RAP1GAP2: variants seen among roughly 807,000 people sequenced by gnomAD.
RAP1GAP2 encodes rap1 GTPase-activating protein 2.
In RAP1GAP2, 27 loss-of-function variants were observed where a neutral mutation model predicts 95.0. The ratio of observed to expected loss-of-function variants is 0.28; its 90% confidence interval spans 0.21 to 0.39. RAP1GAP2 has a LOEUF of 0.39. Among genes scored for constraint, RAP1GAP2 ranks in the 10% least tolerant of loss-of-function variants. The pLI is 1.00. For synonymous variants in RAP1GAP2, 373 were observed against 380.9 expected, an observed-to-expected ratio of 0.98 and a Z score of 0.24; for missense variants, 771 against 970.0, an observed-to-expected ratio of 0.79 and a Z score of 2.72.
intron 14 of RAP1GAP2, among the ~76,000 whole-genome samples, chr17:3,002,251 A>T (rs9893578): frequency 2.0e-4 from 31 of 152,256 alleles, no homozygotes; most frequent in Non-Finnish European, 3.2e-4. Context: ...GTGAACCATC[A>T]TGCCTGGCTG....
chr17:2,963,785 G>T lies in RAP1GAP2; in HGVS notation c.280-71G>T. 1 of 1,345,564 alleles carries T rather than the reference G, an allele frequency of 7.4e-7. No homozygotes were observed. Among genetic ancestry groups the T allele is most frequent in the Non-Finnish European group, 1.0e-6 (1 of 984,398 alleles). The allele number at this position is 1,345,564 out of a possible 1,614,324, so 83.4% of individuals were successfully genotyped here. On this transcript the variant is annotated intron_variant, in intron 6 of 24. Coordinates refer to ENST00000254695, the MANE Select transcript of RAP1GAP2 (RefSeq NM_015085.5). This position sits in a 1 kb window ranked among gnomAD's most constrained non-coding sequence, Gnocchi z 4.8. The stretch of plus-strand genomic sequence containing the variant: ...CCCCACTCCTGGGAGCAGCGCAGAG[G>T]GGACACCGCCACCGGCCCCCTCCCT...
chr17:2,770,735 A>G (rs2068374185), intron 2 of RAP1GAP2, among the ~76,000 whole-genome samples: 1 of 152,234 alleles, frequency 6.6e-6, no homozygotes, highest in Non-Finnish European at 1.5e-5. Context: ...ATATGACTGC[A>G]GAGATTTACA....
At position 2,962,702 on chromosome 17, in the gene RAP1GAP2, C is replaced by G; in HGVS notation, c.234C>G (p.Pro78=). 2 of 1,594,696 alleles carry G rather than the reference C, an allele frequency of 1.3e-6. No homozygotes were observed. Among genetic ancestry groups the G allele is most frequent in the East Asian group, 2.3e-5 (1 of 44,018 alleles). The change falls in exon 5 of 25, where the codon CCC becomes CCG. Residue 78 remains proline, a synonymous_variant. Coordinates refer to ENST00000254695, the MANE Select transcript of RAP1GAP2 (RefSeq NM_015085.5). ...AGCTTGAAGAGCAGAAGCCGGGACCCCAGAAGAACAAGGTGGGCTGGGTGG... is the reference window on the plus strand; with the variant it reads ...AGCTTGAAGAGCAGAAGCCGGGACCGCAGAAGAACAAGGTGGGCTGGGTGG... ...GIKLEEQKPG[P]QKNKDDYIPY...
At chr17:3,014,362 G>T (rs1231529575) in intron 17 of RAP1GAP2, among the ~76,000 whole-genome samples, 1 of 152,130 alleles carries the variant, frequency 6.6e-6, no homozygotes, top group African/African-American at 2.4e-5. Context: ...ATATGGAAAA[G>T]GTACAGTAAA....
chr17:2,775,369 TG>T (rs1376922383), upstream of RAP1GAP2, among the ~76,000 whole-genome samples: 1 of 150,968 alleles, frequency 6.6e-6, no homozygotes, highest in Non-Finnish European at 1.5e-5. Context: ...AGTGGGTGTG[TG>T]GGGACTCTGG....
intron 2 of RAP1GAP2, among the ~76,000 whole-genome samples, chr17:2,837,429 G>A (rs911045355): frequency 6.6e-5 from 10 of 151,912 alleles, no homozygotes; most frequent in African/African-American, 2.4e-4. Flanking sequence ...GTCAGCTAGA[G>A]GAAGGGGCCT....
rs374109157 is a variant in RAP1GAP2 at position 2,924,495 on chromosome 17, C to T, written c.165+19127C>T. 1.8e-4 allele frequency among the ~76,000 whole-genome samples: 28 copies of T among 151,454 alleles called. No individual in the cohort carries two copies. The East Asian group carries it at 2.7e-3, about 15-fold the overall frequency. On this transcript the variant is annotated intron_variant, in intron 3 of 24. Coordinates refer to ENST00000254695, the MANE Select transcript of RAP1GAP2 (RefSeq NM_015085.5). ...GAAGTGGGGGTGGATGGCCAGGTGA[C>T]GTCATCTGCTGTAGAGGAGGAATTT...
At chr17:2,959,747 C>G (rs2044242825) in intron 4 of RAP1GAP2, among the ~76,000 whole-genome samples, 1 of 152,198 alleles carries the variant, frequency 6.6e-6, no homozygotes, top group African/African-American at 2.4e-5. Context: ...AACCCTGACG[C>G]TTTCTAGCTG....
intron 2 of RAP1GAP2, among the ~76,000 whole-genome samples, chr17:2,872,448 G>A (rs4287603): frequency 0.36 from 54,336 of 151,492 alleles, 11,687 homozygotes; most frequent in Non-Finnish European, 0.5. Flanking sequence ...AAGACCGTTG[G>A]TTACAGAGGC....
At chr17:2,900,336 G>A (rs2041984993) in intron 2 of RAP1GAP2, among the ~76,000 whole-genome samples, 1 of 152,160 alleles carries the variant, frequency 6.6e-6, no homozygotes. Flanking sequence ...TCTCCACTTG[G>A]AGACCACATC....
intron 2 of RAP1GAP2, among the ~76,000 whole-genome samples, chr17:2,819,713 C>T (rs2070197503): frequency 6.6e-6 from 1 of 152,012 alleles, no homozygotes; most frequent in African/African-American, 2.4e-5. Flanking sequence ...GATGATCCAC[C>T]TGCCTCGGCC....
chr17:2,959,614 G>C (rs2044238119), intron 4 of RAP1GAP2, among the ~76,000 whole-genome samples: 1 of 152,176 alleles, frequency 6.6e-6, no homozygotes, highest in African/African-American at 2.4e-5. Context: ...GAAGCGCCCG[G>C]GTCACTTAGC....
chr17:2,954,429 T>C (rs2044036822), intron 3 of RAP1GAP2, among the ~76,000 whole-genome samples: 2 of 151,924 alleles, frequency 1.3e-5, no homozygotes, highest in South Asian at 4.2e-4. Context: ...TGTGTGGACG[T>C]GTATTTTCCA....
chr17:3,029,955 T>G lies in RAP1GAP2; in HGVS notation c.2108-967T>G, dbSNP rs1020545364. Reference sequence around the variant, plus strand: ...CTTCACCTTTTTATCTGTAGCCAACTTAAGGCTGCAGGAGATGAATGTGTG... The same window carrying G: ...CTTCACCTTTTTATCTGTAGCCAACGTAAGGCTGCAGGAGATGAATGTGTG... On this transcript the variant is annotated intron_variant, in intron 22 of 24. Coordinates refer to ENST00000254695, the MANE Select transcript of RAP1GAP2 (RefSeq NM_015085.5). The surrounding 1 kb of genome is among the most constrained non-coding windows in gnomAD (Gnocchi z 4.4). Among the ~76,000 whole-genome samples, 1 of 151,888 alleles carries G rather than the reference T, an allele frequency of 6.6e-6. No individual in the cohort carries two copies. Among genetic ancestry groups the G allele is most frequent in the African/African-American group, 2.4e-5 (1 of 41,338 alleles).
chr17:2,982,694 C>T (rs1446152789), intron 10 of RAP1GAP2, among the ~76,000 whole-genome samples: 1 of 151,920 alleles, frequency 6.6e-6, no homozygotes. Context: ...ACATTAAAAT[C>T]CCATCATAAA....
chr17:2,894,660 G>A (rs913271997), intron 2 of RAP1GAP2, among the ~76,000 whole-genome samples: 15 of 152,106 alleles, frequency 9.9e-5, no homozygotes, highest in African/African-American at 3.1e-4. Flanking sequence ...CTCCTCCTCC[G>A]TCTGTATCAC....
intron 1 of RAP1GAP2, among the ~76,000 whole-genome samples, chr17:2,782,744 G>A (rs2068687816): frequency 6.6e-6 from 1 of 152,146 alleles, no homozygotes; most frequent in East Asian, 1.9e-4. Flanking sequence ...GGCCAGGCGC[G>A]GTGGCCCATG....
intron 3 of RAP1GAP2, among the ~76,000 whole-genome samples, chr17:2,917,251 G>C (rs569119224): frequency 2.0e-5 from 3 of 152,088 alleles, no homozygotes; most frequent in Non-Finnish European, 4.4e-5. Context: ...TGGGGTTAAG[G>C]CTTCCCCACT....
chr17:2,853,502 G>A (rs1287856134), intron 2 of RAP1GAP2, among the ~76,000 whole-genome samples: 1 of 151,128 alleles, frequency 6.6e-6, no homozygotes, highest in Non-Finnish European at 1.5e-5. Flanking sequence ...GCGGGGACCA[G>A]AAGGAGCGGG....
Sources: allele counts gnomAD v4.1 joint callset (sites outside exome capture counted in the v4.1 genomes callset), GRCh38; gene constraint gnomAD v4.1.1; non-coding constraint Gnocchi (gnomAD v3.1); transcripts MANE v1.5; gene names NCBI Gene and HGNC (gene_info 2026-07-23, HGNC 2026-07-21).